The following AFG2A variants were observed in gnomAD, a reference collection of about 807,000 sequenced individuals.
The protein encoded by AFG2A is ATPase family gene 2 protein homolog A.
chr4:123,039,662 C>T, the AFG2A span, among the ~76,000 whole-genome samples: 2 of 151,558 alleles, frequency 1.3e-5, no homozygotes, highest in African/African-American at 2.4e-5. Flanking sequence ...GTTTTTACAG[C>T]CCTATACTAC....
the AFG2A span, among the ~76,000 whole-genome samples, chr4:122,987,658 T>C: frequency 6.6e-6 from 1 of 152,196 alleles, no homozygotes. Context: ...TATTTTAAGC[T>C]GTTAATAACT....
At chr4:123,251,362 G>GT in the AFG2A span, among the ~76,000 whole-genome samples, 6 of 152,146 alleles carry the variant, frequency 3.9e-5, no homozygotes, top group Non-Finnish European at 7.4e-5. Context: ...AATTGTTGAA[G>GT]TTTGTTAGTT....
chr4:123,159,890 G>A, the AFG2A span, among the ~76,000 whole-genome samples: 9 of 152,314 alleles, frequency 5.9e-5, no homozygotes, highest in Non-Finnish European at 1.2e-4. Context: ...TTAAATGCCA[G>A]CCAAAAGCAT....
chr4:123,285,380 C>T, the AFG2A span, among the ~76,000 whole-genome samples: 1 of 152,158 alleles, frequency 6.6e-6, no homozygotes, highest in Non-Finnish European at 1.5e-5. Flanking sequence ...TTTCTCCCTA[C>T]ATTCTTAGGC....
chr4:122,934,772 GT>G, the AFG2A span: 3 of 1,523,752 alleles, frequency 2.0e-6, no homozygotes, highest in Admixed American at 6.9e-5. Context: ...ACCCAAAAAT[GT>G]TAAATTCAAA....
the AFG2A span, among the ~76,000 whole-genome samples, chr4:122,982,667 C>A: frequency 2.0e-5 from 3 of 152,044 alleles, no homozygotes; most frequent in Non-Finnish European, 4.4e-5. Context: ...TCCCCTCACT[C>A]ATTATTGGCC....
At chr4:123,166,845 TC>T in the AFG2A span, among the ~76,000 whole-genome samples, 1 of 152,190 alleles carries the variant, frequency 6.6e-6, no homozygotes, top group African/African-American at 2.4e-5. Flanking sequence ...AGTCCAGCTA[TC>T]ATTAATCTTG....
chr4:123,077,348 CT>C, the AFG2A span, among the ~76,000 whole-genome samples: 1 of 151,818 alleles, frequency 6.6e-6, no homozygotes, highest in African/African-American at 2.4e-5. Flanking sequence ...TGCCTGGCCC[CT>C]TTTTTTCCTA....
At chr4:122,957,130 G>A in the AFG2A span, among the ~76,000 whole-genome samples, 1 of 152,034 alleles carries the variant, frequency 6.6e-6, no homozygotes, top group Non-Finnish European at 1.5e-5. Context: ...AGAAAAAGAA[G>A]GATAGGAAGA....
At chr4:123,058,443 GGTGAAAC>G in the AFG2A span, among the ~76,000 whole-genome samples, 1 of 152,154 alleles carries the variant, frequency 6.6e-6, no homozygotes, top group South Asian at 2.1e-4. Flanking sequence ...TGGCCCACAT[GGTGAAAC>G]GCTGTCTCTA....
At chr4:123,262,955 T>C in the AFG2A span, among the ~76,000 whole-genome samples, 2 of 152,100 alleles carry the variant, frequency 1.3e-5, no homozygotes. Context: ...AAGGCAGAGA[T>C]GAATGAAAGA....
chr4:123,234,941 A>T, the AFG2A span, among the ~76,000 whole-genome samples: 1 of 152,160 alleles, frequency 6.6e-6, no homozygotes, highest in Non-Finnish European at 1.5e-5. Flanking sequence ...TGTTGTGCAG[A>T]TTAAAGGAGT....
the AFG2A span, among the ~76,000 whole-genome samples, chr4:123,222,275 GTGTGTCT>G: frequency 6.6e-6 from 1 of 152,250 alleles, no homozygotes; most frequent in South Asian, 2.1e-4. Context: ...ACACTTTCTT[GTGTGTCT>G]GTTATTTTAA....
At chr4:123,219,152 G>A in the AFG2A span, among the ~76,000 whole-genome samples, 5 of 152,312 alleles carry the variant, frequency 3.3e-5, no homozygotes, top group Non-Finnish European at 7.4e-5. Flanking sequence ...ATCAGTCTGT[G>A]GCTGAAAGCC....
the AFG2A span, among the ~76,000 whole-genome samples, chr4:123,099,495 C>T: frequency 4.7e-4 from 70 of 150,348 alleles, 1 homozygote; most frequent in African/African-American, 1.4e-3. Context: ...GCTCTTTATT[C>T]GTCTTTAATT....
chr4:123,225,576 G>C, the AFG2A span, among the ~76,000 whole-genome samples: 46 of 152,294 alleles, frequency 3.0e-4, no homozygotes, highest in African/African-American at 1.1e-3. Context: ...CTATATCTCT[G>C]TTTTGATACC....
the AFG2A span, among the ~76,000 whole-genome samples, chr4:123,201,181 AC>A: frequency 1.3e-5 from 2 of 152,366 alleles, no homozygotes; most frequent in South Asian, 4.1e-4. Flanking sequence ...AGACAATTAA[AC>A]ATTTGCTATA....
At chr4:123,004,774 G>T in the AFG2A span, among the ~76,000 whole-genome samples, 1 of 152,104 alleles carries the variant, frequency 6.6e-6, no homozygotes, top group Non-Finnish European at 1.5e-5. Context: ...GTTTTTATTT[G>T]TTGGAAGAAA....
At chr4:122,997,734 C>A in the AFG2A span, among the ~76,000 whole-genome samples, 1 of 152,168 alleles carries the variant, frequency 6.6e-6, no homozygotes, top group Non-Finnish European at 1.5e-5. Context: ...TCCAAAGTAT[C>A]TGTACCATTT....
Sources: allele counts gnomAD v4.1 joint callset (sites outside exome capture counted in the v4.1 genomes callset), GRCh38; gene constraint gnomAD v4.1.1; transcripts MANE v1.5; gene names NCBI Gene and HGNC (gene_info 2026-07-23, HGNC 2026-07-21).